The following PNPLA8 variants were observed in gnomAD, a reference collection of about 807,000 sequenced individuals.
PNPLA8 encodes calcium-independent phospholipase A2-gamma.
A neutral mutation model predicts 76.9 loss-of-function variants in PNPLA8; 39 were observed. The observed-to-expected ratio is 0.51, with a 90% CI of 0.39 to 0.66. The LOEUF is 0.66. Ranked by LOEUF, PNPLA8 falls within the 30% of genes least tolerant of loss-of-function variation. PNPLA8 has a pLI of 0.00. For missense variants in PNPLA8, 887 were observed against 918.0 expected, an observed-to-expected ratio of 0.97 and a Z score of 0.44; for synonymous variants, 301 against 307.9, an observed-to-expected ratio of 0.98 and a Z score of 0.24.
intron 9 of PNPLA8, among the ~76,000 whole-genome samples, chr7:108,487,241 G>A (rs913252140): frequency 1.3e-5 from 2 of 152,100 alleles, no homozygotes; most frequent in Non-Finnish European, 2.9e-5. Flanking sequence ...CCTAAGGTGC[G>A]AATTCCTTGT....
intron 4 of PNPLA8, among the ~76,000 whole-genome samples, chr7:108,511,968 G>C (rs1424830409): frequency 6.6e-6 from 1 of 152,138 alleles, no homozygotes; most frequent in Non-Finnish European, 1.5e-5. Flanking sequence ...TACTTTTCAG[G>C]CCCATGCAAT....
At chr7:108,514,350 T>G in intron 3 of PNPLA8, 57 bp from the exon 4 acceptor site, 2 of 1,540,326 alleles carry the variant, frequency 1.3e-6, no homozygotes, top group Non-Finnish European at 1.8e-6. Flanking sequence ...TAAAGAACAA[T>G]GAAAGTTTCT....
At chr7:108,520,785 A>G (rs1020737353) in intron 2 of PNPLA8, among the ~76,000 whole-genome samples, 1 of 152,190 alleles carries the variant, frequency 6.6e-6, no homozygotes, top group Non-Finnish European at 1.5e-5. Context: ...ATGAAACCAG[A>G]AAAATAACTG....
intron 5 of PNPLA8, among the ~76,000 whole-genome samples, chr7:108,499,447 C>T (rs1008852913): frequency 3.3e-5 from 5 of 152,162 alleles, no homozygotes; most frequent in African/African-American, 1.2e-4. Flanking sequence ...TATTTTTTCT[C>T]TCAATCCCTC....
intron 1 of PNPLA8, among the ~76,000 whole-genome samples, chr7:108,522,020 G>A (rs1374652185): frequency 6.6e-6 from 1 of 152,148 alleles, no homozygotes; most frequent in Non-Finnish European, 1.5e-5. Context: ...TACAGGCCGG[G>A]CGTGGTGGCT....
intron 10 of PNPLA8, among the ~76,000 whole-genome samples, chr7:108,477,724 T>G (rs1196085000): frequency 1.3e-5 from 2 of 151,868 alleles, no homozygotes; most frequent in Non-Finnish European, 2.9e-5. Context: ...ATTAGCTGGG[T>G]GCAATGGTAT....
upstream of PNPLA8, among the ~76,000 whole-genome samples, chr7:108,526,504 G>C (rs766832723): frequency 1.4e-4 from 22 of 152,318 alleles, no homozygotes; most frequent in South Asian, 4.1e-4. Context: ...CTTGTTTGCG[G>C]GCCGCTATTC....
intron 1 of PNPLA8, among the ~76,000 whole-genome samples, chr7:108,522,100 C>T (rs980992194): frequency 1.3e-5 from 2 of 151,560 alleles, no homozygotes. Context: ...TCAAGACCAG[C>T]CTGGCCAATA....
At chr7:108,493,074 C>T (rs890186188) in intron 7 of PNPLA8, among the ~76,000 whole-genome samples, 8 of 152,180 alleles carry the variant, frequency 5.3e-5, no homozygotes, top group African/African-American at 1.9e-4. Flanking sequence ...AAGAAACACC[C>T]AGTCAAACCA....
At chr7:108,496,217 G>A (rs1193754483) in intron 7 of PNPLA8, among the ~76,000 whole-genome samples, 4 of 152,062 alleles carry the variant, frequency 2.6e-5, no homozygotes, top group Non-Finnish European at 5.9e-5. Context: ...CCTGGGCAAC[G>A]GGAGTGAGAG....
At chr7:108,486,699 G>A (rs1860760631) in intron 9 of PNPLA8, among the ~76,000 whole-genome samples, 1 of 152,040 alleles carries the variant, frequency 6.6e-6, no homozygotes, top group African/African-American at 2.4e-5. Context: ...ATCAAAATGA[G>A]ATAAAATTGA....
intron 10 of PNPLA8, among the ~76,000 whole-genome samples, chr7:108,474,900 A>G (rs1437615618): frequency 1.3e-5 from 2 of 152,084 alleles, no homozygotes; most frequent in African/African-American, 2.4e-5. Flanking sequence ...ATTGTGTCAG[A>G]TATTCTAGGT....
At chr7:108,505,323 TATATATATATATATATATA>T (rs1862283845) in intron 4 of PNPLA8, among the ~76,000 whole-genome samples, 1 of 4,296 alleles carries the variant, frequency 2.3e-4, no homozygotes, top group African/African-American at 9.2e-4. Context: ...TATATATATA[TATATATATATATATATATA>T]TATATATATA....
At chr7:108,502,885 T>A (rs1227408964) in intron 4 of PNPLA8, 2 of 297,924 alleles carry the variant, frequency 6.7e-6, no homozygotes, top group East Asian at 1.2e-4. Flanking sequence ...TTAAAAGATG[T>A]AATACTTAAC....
rs574395830 is a variant in PNPLA8, at chr7:108,519,904, A to C, written c.-84+1572T>G. 5.9e-5 allele frequency among the ~76,000 whole-genome samples: 9 copies of C among 152,300 alleles called. No individual in the cohort carries two copies. In the South Asian group the frequency reaches 1.9e-3, roughly 32 times the overall value. On this transcript the variant is annotated intron_variant, in intron 2 of 10. Transcript: ENST00000257694. ...CCCAAAGGACACTTTCACAAGATAAAGTCTGTCTCTTAGGCTCATTCAGTT... is the reference window on the plus strand; with the variant it reads ...CCCAAAGGACACTTTCACAAGATAACGTCTGTCTCTTAGGCTCATTCAGTT...
At position 108,513,005 on chromosome 7, in the gene PNPLA8, T is replaced by C. The variant is rs1764405854; in HGVS notation, c.1206+1139A>G. Among the ~76,000 whole-genome samples, 3 of 152,124 alleles carry C rather than the reference T, an allele frequency of 2.0e-5. No individual in the cohort carries two copies. The South Asian group carries it at 6.2e-4, about 32-fold the overall frequency. ...CCCCTTCTGCCATCTAAGTAGGTCA[T>C]GAGAAGCTGCTGTCTAGGAGGAACG... On this transcript the variant is annotated intron_variant, in intron 4 of 10. Transcript: ENST00000257694.
Position 108,514,798 on chromosome 7 carries a change from C to T in PNPLA8, c.694G>A (p.Asp232Asn). 2 of 1,613,246 alleles carry T rather than the reference C, an allele frequency of 1.2e-6. No individual in the cohort carries two copies. Among genetic ancestry groups the T allele is most frequent in the Non-Finnish European group, 1.7e-6 (2 of 1,179,354 alleles). Residue 232 changes from aspartate to asparagine, a missense_variant, in exon 3 of 11, where the codon GAC becomes AAC. By Grantham distance (23) the Asp-to-Asn change is conservative. Transcript: ENST00000257694. Reference sequence around the variant, plus strand: ...TTTTTATCTTCAAGTTCTGATTTGTCCCGGAAATGTTCATTTTCCTTTTGT... The same window carrying T: ...TTTTTATCTTCAAGTTCTGATTTGTTCCGGAAATGTTCATTTTCCTTTTGT... The part of the protein sequence containing the change: ...SQQKENEHFR[D>N]KSELEDKKVE...
chr7:108,493,123 T>C (rs1188831599), intron 7 of PNPLA8, among the ~76,000 whole-genome samples: 1 of 152,156 alleles, frequency 6.6e-6, no homozygotes, highest in Admixed American at 6.5e-5. Context: ...TTTAAGCCAC[T>C]AAGTTTTGGA....
chr7:108,491,569 A>C, intron 7 of PNPLA8, 102 bp from the exon 8 acceptor site: 1 of 772,626 alleles, frequency 1.3e-6, no homozygotes, highest in Admixed American at 2.0e-5. Flanking sequence ...TGGCTTTGTC[A>C]AAGTGCTATG....
Sources: gnomAD v4.1 joint callset for allele counts (sites outside exome capture counted in the v4.1 genomes callset) on GRCh38, gnomAD v4.1.1 for gene constraint, MANE v1.5 for transcripts, NCBI Gene and HGNC (gene_info 2026-07-23, HGNC 2026-07-21) for gene names.